Variants in SMC6 observed in about 807,000 individuals in gnomAD.
The protein encoded by SMC6 is structural maintenance of chromosomes 6.
SMC6 carries 79 observed loss-of-function variants against 142.2 expected under a neutral mutation model. The observed-to-expected ratio is 0.56, with a 90% CI of 0.46 to 0.67. SMC6 has a LOEUF of 0.67. SMC6 is among the 30% of genes least tolerant of loss of function. SMC6 has a pLI of 0.00. For missense variants in SMC6, 1,072 were observed against 1,284.0 expected, an observed-to-expected ratio of 0.83 and a Z score of 2.52; for synonymous variants, 411 against 412.4, an observed-to-expected ratio of 1.00 and a Z score of 0.04.
At chr2:17,714,296 G>C (rs1668973406) in intron 16 of SMC6, among the ~76,000 whole-genome samples, 1 of 151,986 alleles carries the variant, frequency 6.6e-6, no homozygotes, top group Middle Eastern at 3.4e-3. Context: ...GTCTCCCCAA[G>C]TTGCCCAGGC....
chr2:17,748,265 G>A (rs1670854799), intron 2 of SMC6, among the ~76,000 whole-genome samples: 1 of 152,178 alleles, frequency 6.6e-6, no homozygotes, highest in African/African-American at 2.4e-5. Context: ...AAGTGAATCA[G>A]AATCTTCACT....
chr2:17,699,832 T>A (rs532070773), intron 21 of SMC6, among the ~76,000 whole-genome samples: 6 of 152,296 alleles, frequency 3.9e-5, no homozygotes, highest in African/African-American at 1.4e-4. Context: ...TATTTCAAGT[T>A]GGCTTTTACA....
chr2:17,716,241 T>C lies in SMC6; in HGVS notation c.1370A>G (p.His457Arg), dbSNP rs560144562. ...KIKREELDVK[H>R]ALSYNQRQLK... ...TTGCCTCTGATTGTAGCTCAGTGCA[T>C]GCTTCACATCTAATTCTTCTCTCCT... The change falls in exon 15 of 28, where the codon CAT (histidine) becomes CGT (arginine). Residue 457 changes from histidine to arginine, a missense_variant. By Grantham distance (29) the His-to-Arg change is conservative. Coordinates refer to ENST00000448223, the MANE Select transcript of SMC6 (RefSeq NM_001142286.2). 3.1e-6 allele frequency: 5 copies of C among 1,609,778 alleles called. No individual in the cohort carries two copies. The highest frequency in any genetic ancestry group is 4.5e-5 in the East Asian group (2 of 44,622).
At position 17,671,632 on chromosome 2, in the gene SMC6, A is replaced by C. The variant is rs1456633838; in HGVS notation, c.2911-1057T>G. 4.3e-5 allele frequency among the ~76,000 whole-genome samples: 6 copies of C among 139,442 alleles called. No homozygotes were observed. The East Asian group carries it at 1.2e-3, about 27-fold the overall frequency. The allele number at this position is 139,442 out of a possible 152,430, so 91.5% of individuals were successfully genotyped here. ...TCAAAAAAAAAAAAAAAAAAAAAAA[A>C]ATTTCTTTTGTATTGTATTTATTTT... On this transcript the variant is annotated intron_variant, in intron 25 of 27. Coordinates refer to ENST00000448223, the MANE Select transcript of SMC6 (RefSeq NM_001142286.2).
At position 17,745,497 on chromosome 2, in the gene SMC6, T is replaced by C. The variant is rs570661969; in HGVS notation, c.120+330A>G. On this transcript the variant is annotated intron_variant, in intron 3 of 27. Transcript: ENST00000448223. ...ATGTGTGTAGAGTTGCTAACTGTAT[T>C]TCCTTACCCTTTGGATGTCTGCAGG... is the stretch of plus-strand genomic sequence containing the variant. Among the ~76,000 whole-genome samples, 6 of 152,310 alleles carry C rather than the reference T, an allele frequency of 3.9e-5. No homozygotes were observed. The East Asian group carries it at 1.2e-3, about 29-fold the overall frequency.
At chr2:17,707,760 A>G (rs984580572) in intron 17 of SMC6, among the ~76,000 whole-genome samples, 1 of 152,092 alleles carries the variant, frequency 6.6e-6, no homozygotes, top group African/African-American at 2.4e-5. Context: ...CCTAGAAAAG[A>G]TATGAATGAA....
At chr2:17,741,799 G>A (rs1364885100) in intron 3 of SMC6, 70 bp from the exon 4 acceptor site, 6 of 1,026,906 alleles carry the variant, frequency 5.8e-6, no homozygotes, top group Middle Eastern at 2.7e-4. Flanking sequence ...AAGCATTGTT[G>A]GCATCAGAAA....
intron 23 of SMC6, among the ~76,000 whole-genome samples, chr2:17,689,544 G>A (rs1667607119): frequency 6.6e-6 from 1 of 152,196 alleles, no homozygotes; most frequent in South Asian, 2.1e-4. Context: ...GTAAAGTAAT[G>A]TGAGTGTATG....
At chr2:17,739,436 G>A (rs1197753596) in intron 4 of SMC6, among the ~76,000 whole-genome samples, 2 of 152,072 alleles carry the variant, frequency 1.3e-5, no homozygotes, top group Non-Finnish European at 2.9e-5. Context: ...CTTGAGGCCA[G>A]GGGTTCGAGA....
chr2:17,689,089 AAAACC>A (rs1287338673), intron 23 of SMC6, among the ~76,000 whole-genome samples: 1 of 152,156 alleles, frequency 6.6e-6, no homozygotes, highest in Non-Finnish European at 1.5e-5. Flanking sequence ...ATATAATGGA[AAAACC>A]AATTAACACC....
At chr2:17,696,538 A>T in intron 21 of SMC6, 112 bp from the exon 22 acceptor site, 1 of 1,076,408 alleles carries the variant, frequency 9.3e-7, no homozygotes. Flanking sequence ...TGAAGAGGCA[A>T]GTGTTATTAT....
Position 17,695,394 on chromosome 2 carries a change from C to G in SMC6, c.2533-97G>C, listed in dbSNP as rs1439709043. On this transcript the variant is annotated intron_variant, in intron 22 of 27. Transcript: ENST00000448223. Reference sequence around the variant, plus strand: ...AATCTGCAAAGTAAAATTCTGAACTCATTTTTAAGAAATGTATTTTAATTA... The same window carrying G: ...AATCTGCAAAGTAAAATTCTGAACTGATTTTTAAGAAATGTATTTTAATTA... 5 of 943,470 alleles carry G rather than the reference C, an allele frequency of 5.3e-6. No individual in the cohort carries two copies. In the African/African-American group the frequency reaches 8.4e-5, roughly 16 times the overall value. 58.4% of individuals were successfully genotyped at this position (943,470 alleles called of 1,614,324 possible). A position where few individuals can be genotyped will look rare whatever the true frequency, so the allele number is the denominator to read the frequency against.
At chr2:17,739,926 A>ACACG (rs1291755416) in intron 4 of SMC6, among the ~76,000 whole-genome samples, 1 of 139,654 alleles carries the variant, frequency 7.2e-6, no homozygotes, top group Non-Finnish European at 1.6e-5. Flanking sequence ...ACACACACAC[A>ACACG]CAGAATATGG....
chr2:17,746,653 GA>G (rs1365919136), intron 2 of SMC6, among the ~76,000 whole-genome samples: 3 of 152,136 alleles, frequency 2.0e-5, no homozygotes, highest in African/African-American at 2.4e-5. Flanking sequence ...TTTAAACCTA[GA>G]AAATTAACAT....
intron 3 of SMC6, among the ~76,000 whole-genome samples, chr2:17,743,181 T>G (rs1670562288): frequency 6.6e-6 from 1 of 152,220 alleles, no homozygotes; most frequent in Non-Finnish European, 1.5e-5. Context: ...CACCTAAATT[T>G]TAGAATAAAA....
At chr2:17,725,387 T>C in intron 8 of SMC6, 29 bp from the exon 9 acceptor site, 2 of 1,499,604 alleles carry the variant, frequency 1.3e-6, no homozygotes, top group South Asian at 1.2e-5. Context: ...AAAAACGCAA[T>C]TAGGAGTTTG....
chr2:17,715,949 A>C (rs1222559731), intron 15 of SMC6, 137 bp downstream of exon 15: 3 of 740,546 alleles, frequency 4.1e-6, no homozygotes, highest in African/African-American at 3.7e-5. Flanking sequence ...AAAAATATAA[A>C]ACGAAAGCTA....
At position 17,671,269 on chromosome 2, in the gene SMC6, C is replaced by A. The variant is rs116843471; in HGVS notation, c.2911-694G>T. Among the ~76,000 whole-genome samples, 73 of 152,122 alleles carry A rather than the reference C, an allele frequency of 4.8e-4. 3 individuals are homozygous for A. The East Asian group carries it at 0.014, about 29-fold the overall frequency. On this transcript the variant is annotated intron_variant, in intron 25 of 27. Coordinates refer to ENST00000448223, the MANE Select transcript of SMC6 (RefSeq NM_001142286.2). The stretch of plus-strand genomic sequence containing the variant: ...GGTTAAGCTGCATTAAAAGTGATTA[C>A]TGAACGTCAAAAGGACAGAAATCAA...
In SMC6 at chr2:17,707,185, G is replaced by T. The variant is rs752865282; in HGVS notation, c.2006+34C>A. ...AAAATGAACCCCCAAGGAAGCAGTG[G>T]GAATGATACAGTAAAGCTAAACTTG... On this transcript the variant is annotated intron_variant, in intron 18 of 27. Transcript: ENST00000448223. 2.1e-6 allele frequency: 3 copies of T among 1,432,304 alleles called. No individual in the cohort carries two copies. The Admixed American group carries it at 7.5e-5, about 36-fold the overall frequency. 88.7% of individuals were successfully genotyped at this position (1,432,304 alleles called of 1,614,324 possible).
Sources: gnomAD v4.1 joint callset for allele counts (sites outside exome capture counted in the v4.1 genomes callset) on GRCh38, gnomAD v4.1.1 for gene constraint, MANE v1.5 for transcripts, NCBI Gene and HGNC (gene_info 2026-07-23, HGNC 2026-07-21) for gene names.